NCKAP5: variants seen among roughly 807,000 people sequenced by gnomAD.
NCKAP5 encodes nck-associated protein 5.
NCKAP5 carries 92 observed loss-of-function variants against 167.0 expected under a neutral mutation model. That is an observed-to-expected ratio of 0.55 (90% CI 0.47 to 0.66). The LOEUF (loss-of-function observed/expected upper bound fraction) is 0.66. Ranked by LOEUF, NCKAP5 falls within the 30% of genes least tolerant of loss-of-function variation. NCKAP5 has a pLI of 0.00. For synonymous variants in NCKAP5, 891 were observed against 877.4 expected (o/e 1.02, Z -0.27); for missense variants, 2,378 against 2,315.0 (o/e 1.03, Z -0.56).
At chr2:133,667,752 C>T in the NCKAP5 span, among the ~76,000 whole-genome samples, 92 of 152,064 alleles carry the variant, frequency 6.1e-4, 2 homozygotes, top group Middle Eastern at 6.8e-3. Context: ...TAACTAGTTT[C>T]CTTCAATAGC....
intron 6 of NCKAP5, among the ~76,000 whole-genome samples, chr2:133,011,508 C>T (rs994102069): frequency 6.6e-6 from 1 of 152,220 alleles, no homozygotes; most frequent in African/African-American, 2.4e-5. Context: ...ACTTAATTAT[C>T]TATATCTTGT....
chr2:133,026,883 C>T (rs1379985903), intron 6 of NCKAP5, among the ~76,000 whole-genome samples: 1 of 152,172 alleles, frequency 6.6e-6, no homozygotes, highest in East Asian at 1.9e-4. Context: ...CAGGATTCAG[C>T]GAGACCTCTA....
At chr2:132,679,326 C>G (rs1453155319) in intron 19 of NCKAP5, among the ~76,000 whole-genome samples, 2 of 152,104 alleles carry the variant, frequency 1.3e-5, no homozygotes, top group Non-Finnish European at 2.9e-5. Context: ...AGTTCCCTTC[C>G]TGAACTTGCT....
chr2:133,341,161 A>G lies in NCKAP5; in HGVS notation c.70-38051T>C, dbSNP rs530690621. Reference sequence around the variant, plus strand: ...ACAACCACATTCTTTTACCCCATGGAAAAAAAAACACTTATTAAAGTATAT... The same window carrying G: ...ACAACCACATTCTTTTACCCCATGGGAAAAAAAACACTTATTAAAGTATAT... On this transcript the variant is annotated intron_variant, in intron 3 of 19. Transcript: ENST00000409261. 9.0e-4 allele frequency among the ~76,000 whole-genome samples: 133 copies of G among 148,054 alleles called. 2 individuals are homozygous for G. The highest frequency in any genetic ancestry group is 6.0e-3 in the East Asian group (31 of 5,168).
chr2:132,872,357 C>T (rs1002388610), intron 9 of NCKAP5, among the ~76,000 whole-genome samples: 5 of 152,212 alleles, frequency 3.3e-5, no homozygotes, highest in Non-Finnish European at 7.3e-5. Flanking sequence ...TGATCTTCTA[C>T]TCACACAAAA....
At chr2:133,428,779 A>T (rs964512920) in intron 3 of NCKAP5, among the ~76,000 whole-genome samples, 1 of 152,158 alleles carries the variant, frequency 6.6e-6, no homozygotes, top group Non-Finnish European at 1.5e-5. Flanking sequence ...GACAATACGT[A>T]TTTGAAAATA....
chr2:133,575,728 C>A, the NCKAP5 span, among the ~76,000 whole-genome samples: 1 of 152,174 alleles, frequency 6.6e-6, no homozygotes, highest in Non-Finnish European at 1.5e-5. Context: ...TCCTACCAGC[C>A]CTCTCCTACT....
At chr2:133,544,473 T>C (rs1295658837) in intron 2 of NCKAP5, among the ~76,000 whole-genome samples, 1 of 152,238 alleles carries the variant, frequency 6.6e-6, no homozygotes, top group African/African-American at 2.4e-5. Context: ...AATTTGATTT[T>C]TTCCCCACTT....
chr2:133,111,287 G>C (rs1271786355), intron 6 of NCKAP5, among the ~76,000 whole-genome samples: 1 of 152,118 alleles, frequency 6.6e-6, no homozygotes, highest in Non-Finnish European at 1.5e-5. Context: ...TGTTGCTGTA[G>C]ACCTGCCATA....
chr2:133,544,401 T>A (rs59418700), intron 2 of NCKAP5, among the ~76,000 whole-genome samples: 42,415 of 152,086 alleles, frequency 0.28, 6,372 homozygotes, highest in East Asian at 0.38. Flanking sequence ...ATACATGTAC[T>A]TATTTAATAT....
At chr2:133,061,687 G>A (rs1444628914) in intron 6 of NCKAP5, among the ~76,000 whole-genome samples, 2 of 152,150 alleles carry the variant, frequency 1.3e-5, no homozygotes, top group East Asian at 1.9e-4. Flanking sequence ...CTCCTCTTTC[G>A]ATTTGTTGGG....
At chr2:132,883,678 G>A (rs368716045) in intron 8 of NCKAP5, among the ~76,000 whole-genome samples, 23 of 152,178 alleles carry the variant, frequency 1.5e-4, no homozygotes, top group South Asian at 1.5e-3. Context: ...TCATTTCCTC[G>A]GTGCCCTCTG....
intron 11 of NCKAP5, among the ~76,000 whole-genome samples, chr2:132,824,529 G>A (rs1253198855): frequency 2.0e-5 from 3 of 152,208 alleles, no homozygotes; most frequent in Admixed American, 6.5e-5. Flanking sequence ...AGCATATTTG[G>A]CTTTCTAATC....
intron 19 of NCKAP5, among the ~76,000 whole-genome samples, chr2:132,722,067 T>C (rs924401133): frequency 2.6e-5 from 4 of 152,318 alleles, no homozygotes; most frequent in Admixed American, 1.3e-4. Context: ...TAAAAACAAC[T>C]TCAAGCAGTA....
At chr2:133,193,965 C>T (rs577474724) in intron 5 of NCKAP5, among the ~76,000 whole-genome samples, 2 of 152,124 alleles carry the variant, frequency 1.3e-5, no homozygotes, top group African/African-American at 4.8e-5. Context: ...GTTACAGTTG[C>T]TAAGGGCAAG....
chr2:133,318,376 G>C lies in NCKAP5; in HGVS notation c.70-15266C>G, dbSNP rs138077122. On this transcript the variant is annotated intron_variant, in intron 3 of 19. Transcript: ENST00000409261. ...TGCTCTCAACTCTAGCTTGTAATAT[G>C]TGAAGTAATTTGAGATTATCCTCAG... is the stretch of plus-strand genomic sequence containing the variant. Among the ~76,000 whole-genome samples the C allele has an allele frequency of 2.9e-3, 443 of 152,268 alleles. 1 individual carries two copies. The highest frequency in any genetic ancestry group is 0.01 in the African/African-American group (418 of 41,518).
At chr2:132,897,861 T>C (rs1166950534) in intron 8 of NCKAP5, among the ~76,000 whole-genome samples, 1 of 152,240 alleles carries the variant, frequency 6.6e-6, no homozygotes, top group Non-Finnish European at 1.5e-5. Flanking sequence ...GCCTTCAGCA[T>C]GCTGGAATCT....
At chr2:132,716,582 G>A (rs1178905986) in intron 19 of NCKAP5, among the ~76,000 whole-genome samples, 1 of 151,762 alleles carries the variant, frequency 6.6e-6, no homozygotes, top group African/African-American at 2.4e-5. Context: ...ACTTGAGGGG[G>A]GTAACACTGG....
At chr2:132,974,754 C>G (rs574505323) in intron 7 of NCKAP5, among the ~76,000 whole-genome samples, 1 of 152,368 alleles carries the variant, frequency 6.6e-6, no homozygotes, top group South Asian at 2.1e-4. Flanking sequence ...GGCCATTCCT[C>G]TACGGAGTTG....
Sources: gnomAD v4.1 joint callset for allele counts (sites outside exome capture counted in the v4.1 genomes callset) on GRCh38, gnomAD v4.1.1 for gene constraint, MANE v1.5 for transcripts, NCBI Gene and HGNC (gene_info 2026-07-23, HGNC 2026-07-21) for gene names.